Variants in SETD2 observed in about 807,000 individuals in gnomAD.
SETD2 encodes histone-lysine N-methyltransferase SETD2.
Under a neutral mutation model 242.1 loss-of-function variants are expected in SETD2, and 31 were observed. The ratio of observed to expected loss-of-function variants is 0.13; its 90% CI spans 0.10 to 0.17. SETD2 has a LOEUF of 0.17. SETD2 is among the 10% of genes least tolerant of loss of function. The probability of loss-of-function intolerance (pLI) is 1.00; values close to 1 mark genes in which losing one functional copy is unlikely to be tolerated. For synonymous variants in SETD2, 1,006 were observed against 1,066.5 expected, an observed-to-expected ratio of 0.94 and a Z score of 1.11; for missense variants, 2,481 against 3,046.3, an observed-to-expected ratio of 0.81 and a Z score of 4.37.
At position 47,046,445 on chromosome 3, in the gene SETD2, A is replaced by T. The variant is rs746166490; in HGVS notation, c.7098+42T>A. On this transcript the variant is annotated intron_variant, in intron 16 of 20. Transcript: ENST00000409792. ...CAAAAAGAAAACCTTCCAAAGACAAAGTAGACAGCCAATGAGTTTTAACAA... is the reference window on the plus strand; with the variant it reads ...CAAAAAGAAAACCTTCCAAAGACAATGTAGACAGCCAATGAGTTTTAACAA... 2.0e-6 allele frequency: 3 copies of T among 1,488,130 alleles called. No homozygotes were observed. The South Asian group carries it at 4.3e-5, about 21-fold the overall frequency. The allele number at this position is 1,488,130 out of a possible 1,614,324, so 92.2% of individuals were successfully genotyped here.
chr3:47,087,443 T>C (rs945492621), intron 10 of SETD2, among the ~76,000 whole-genome samples: 6 of 152,152 alleles, frequency 3.9e-5, no homozygotes, highest in Non-Finnish European at 5.9e-5. Flanking sequence ...CAGTTCACAA[T>C]AGGGTTCGTG....
chr3:47,070,439 C>T (rs963263552), intron 12 of SETD2, among the ~76,000 whole-genome samples: 2 of 152,192 alleles, frequency 1.3e-5, no homozygotes, highest in African/African-American at 4.8e-5. Flanking sequence ...TACCTACTGT[C>T]TCCTCCTTAT....
chr3:47,119,689 G>A (rs1373911844), intron 3 of SETD2: 4 of 412,666 alleles, frequency 9.7e-6, no homozygotes, highest in South Asian at 3.5e-5. Flanking sequence ...GGAACTGCAA[G>A]TCCAATTAAA....
chr3:47,078,014 G>C (rs969853388), intron 12 of SETD2, among the ~76,000 whole-genome samples: 1 of 152,038 alleles, frequency 6.6e-6, no homozygotes, highest in Non-Finnish European at 1.5e-5. Context: ...GCTTAAAAAA[G>C]AATGTCCAAT....
chr3:47,139,408 A>G (rs1160207186), intron 1 of SETD2, among the ~76,000 whole-genome samples: 1 of 152,216 alleles, frequency 6.6e-6, no homozygotes, highest in Non-Finnish European at 1.5e-5. Context: ...ACAATCACAT[A>G]CAGCCTTGAC....
chr3:47,022,867 C>A (rs1478452010), intron 18 of SETD2, among the ~76,000 whole-genome samples: 4 of 152,186 alleles, frequency 2.6e-5, no homozygotes, highest in Non-Finnish European at 5.9e-5. Flanking sequence ...CAAGGTGAAG[C>A]TTGAGACCTT....
At chr3:47,049,664 G>A (rs1388741392) in intron 15 of SETD2, among the ~76,000 whole-genome samples, 2 of 146,930 alleles carry the variant, frequency 1.4e-5, no homozygotes, top group East Asian at 2.0e-4. Context: ...GAGCCACCGC[G>A]CCTGGCCTAT....
chr3:47,080,787 A>G, intron 12 of SETD2: 6 of 985,906 alleles, frequency 6.1e-6, no homozygotes, highest in Non-Finnish European at 7.2e-6. Context: ...ATAGGTATAG[A>G]AAAAGTAGCT....
At chr3:47,131,157 TA>T (rs1424689617) in intron 1 of SETD2, among the ~76,000 whole-genome samples, 3 of 152,148 alleles carry the variant, frequency 2.0e-5, no homozygotes, top group Non-Finnish European at 4.4e-5. Context: ...TGGTTAAAGC[TA>T]AATAGAAGTA....
chr3:47,034,878 G>C (rs565356861), intron 18 of SETD2, among the ~76,000 whole-genome samples: 2 of 152,296 alleles, frequency 1.3e-5, no homozygotes, highest in South Asian at 2.1e-4. Context: ...AAATGTGAAA[G>C]AGTGAGATGA....
Position 47,122,390 on chromosome 3 carries a change from G to T in SETD2, c.2246C>A (p.Thr749Lys). 1 of 1,614,096 alleles carries T rather than the reference G, an allele frequency of 6.2e-7. No individual in the cohort carries two copies. The highest frequency in any genetic ancestry group is 2.2e-5 in the East Asian group (1 of 44,872). ...TTGGTGTGGTGACACCAGAGGTTCTGTTTCTCTAAATGGGCTTTCTGACTT... is the reference window on the plus strand; with the variant it reads ...TTGGTGTGGTGACACCAGAGGTTCTTTTTCTCTAAATGGGCTTTCTGACTT... ...HKKSESPFRE[T>K]EPLVSPHQDK... is the part of the protein sequence containing the mutation. The change falls in exon 3 of 21, where the codon ACA becomes AAA. Residue 749 changes from threonine (T) to lysine (K), a missense_variant. By Grantham distance (78) the Thr-to-Lys change is moderately conservative (BLOSUM62 -1). Around this residue, in one of 17 missense-constraint regions of SETD2, gnomAD observed 1,300 missense variants for 1,259.2 expected, o/e 1.03. Transcript: ENST00000409792.
chr3:47,106,837 AAAG>A (rs1208016178), intron 5 of SETD2, among the ~76,000 whole-genome samples: 3 of 151,994 alleles, frequency 2.0e-5, no homozygotes, highest in African/African-American at 7.2e-5. Flanking sequence ...GGAAAAAGAA[AAAG>A]AAGAAGGCAA....
At chr3:47,157,931 C>A (rs2106846744) in intron 1 of SETD2, among the ~76,000 whole-genome samples, 1 of 151,514 alleles carries the variant, frequency 6.6e-6, no homozygotes, top group Non-Finnish European at 1.5e-5. Flanking sequence ...TTCTTAAATT[C>A]TCATAAAACC....
intron 18 of SETD2, among the ~76,000 whole-genome samples, chr3:47,021,809 T>C (rs765878286): frequency 4.6e-5 from 7 of 152,154 alleles, no homozygotes; most frequent in Non-Finnish European, 1.0e-4. Flanking sequence ...GTTATTGACA[T>C]GAACAACCTT....
chr3:47,131,200 C>T (rs1195749905), intron 1 of SETD2, among the ~76,000 whole-genome samples: 1 of 152,102 alleles, frequency 6.6e-6, no homozygotes, highest in Non-Finnish European at 1.5e-5. Flanking sequence ...AAAAGATTTA[C>T]AGGACCATAG....
chr3:47,032,917 A>G (rs952990429), intron 18 of SETD2, among the ~76,000 whole-genome samples: 2 of 147,416 alleles, frequency 1.4e-5, no homozygotes, highest in African/African-American at 5.0e-5. Context: ...CTCAGAGATG[A>G]AAAAAAAAAA....
chr3:47,078,229 G>A (rs1034352395), intron 12 of SETD2, among the ~76,000 whole-genome samples: 1 of 152,132 alleles, frequency 6.6e-6, no homozygotes, highest in African/African-American at 2.4e-5. Context: ...AAGTCTGGCA[G>A]ACTACTGCTT....
intron 12 of SETD2, among the ~76,000 whole-genome samples, chr3:47,082,172 C>T (rs1037508944): frequency 3.3e-5 from 5 of 152,110 alleles, no homozygotes; most frequent in Admixed American, 3.3e-4. Flanking sequence ...CACTATCATA[C>T]GAAGAAACAA....
intron 7 of SETD2, among the ~76,000 whole-genome samples, chr3:47,102,043 T>C (rs930660484): frequency 2.6e-5 from 4 of 152,194 alleles, no homozygotes; most frequent in African/African-American, 9.6e-5. Context: ...CATGAAGTGG[T>C]GGTCATCTGG....
Sources: gnomAD v4.1 joint callset for allele counts (sites outside exome capture counted in the v4.1 genomes callset) on GRCh38, gnomAD v4.1.1 for gene constraint, gnomAD v4.1.1 regional missense constraint, MANE v1.5 for transcripts, NCBI Gene and HGNC (gene_info 2026-07-23, HGNC 2026-07-21) for gene names.